Variants in FAM135A observed in about 807,000 individuals in gnomAD.
FAM135A encodes the protein protein FAM135A.
Under a neutral mutation model 146.8 loss-of-function variants are expected in FAM135A, and 79 were observed. The observed-to-expected ratio is 0.54, with a 90% CI of 0.45 to 0.65. The LOEUF is 0.65. Ranked by LOEUF, FAM135A falls within the 30% of genes least tolerant of loss-of-function variation. The probability of loss-of-function intolerance (pLI) is 0.00; values close to 1 mark genes in which losing one functional copy is unlikely to be tolerated. For missense variants in FAM135A, 1,623 were observed against 1,758.2 expected (o/e 0.92, Z 1.38); for synonymous variants, 562 against 603.6 (o/e 0.93, Z 1.01).
At chr6:70,422,079 G>A (rs1376474337) in intron 2 of FAM135A, among the ~76,000 whole-genome samples, 1 of 152,138 alleles carries the variant, frequency 6.6e-6, no homozygotes, top group African/African-American at 2.4e-5. Context: ...GAATGAATTT[G>A]CTCTGTTGTT....
intron 2 of FAM135A, among the ~76,000 whole-genome samples, chr6:70,424,357 G>A (rs555851612): frequency 2.0e-5 from 3 of 152,088 alleles, no homozygotes; most frequent in Non-Finnish European, 2.9e-5. Context: ...ATTCTTTTAC[G>A]TTTCTCTCCA....
chr6:70,432,819 A>G lies in FAM135A; in HGVS notation c.77+4400A>G, dbSNP rs549929689. Among the ~76,000 whole-genome samples the G allele has an allele frequency of 1.1e-3, 169 of 151,618 alleles. 2 individuals carry two copies. The highest frequency in any genetic ancestry group is 2.1e-3 in the Non-Finnish European group (141 of 67,892). On this transcript the variant is annotated intron_variant, in intron 4 of 21. Transcript: ENST00000418814. ...TTTTTTCCTTATAATTCTCTTTAGGATCCTAAAATACACCTACAATTCAGA... is the reference window on the plus strand; with the variant it reads ...TTTTTTCCTTATAATTCTCTTTAGGGTCCTAAAATACACCTACAATTCAGA...
At chr6:70,453,891 T>C (rs1189646899) in intron 5 of FAM135A, among the ~76,000 whole-genome samples, 3 of 152,120 alleles carry the variant, frequency 2.0e-5, no homozygotes, top group Non-Finnish European at 4.4e-5. Context: ...GCATGTGTCT[T>C]TAGTAGCATG....
intron 2 of FAM135A, among the ~76,000 whole-genome samples, chr6:70,422,061 C>T (rs1009256572): frequency 2.6e-5 from 4 of 152,134 alleles, no homozygotes; most frequent in African/African-American, 4.8e-5. Context: ...TTGCACTGTT[C>T]GCCCACAGAA....
At position 70,502,774 on chromosome 6, in the gene FAM135A, G is replaced by T; in HGVS notation, c.1012G>T (p.Glu338Ter). Residue 338 changes from glutamate to a stop codon, truncating the protein, a stop_gained, in exon 12 of 22, where the codon GAG (glutamate) becomes TAG (stop). Transcript: ENST00000418814. LOFTEE classifies it high-confidence loss of function. ...AGAACTAAGAATATTATTAGCACAA[G>T]AGCACCATACTTTGAGGGTAAGTTA... ...HEELRILLAQ[E>*]HHTLRVRRFS... The T allele has an allele frequency of 6.2e-7, 1 of 1,611,420 alleles. No homozygotes were observed. The highest frequency in any genetic ancestry group is 8.5e-7 in the Non-Finnish European group (1 of 1,178,650).
At chr6:70,533,690 A>C in intron 17 of FAM135A, 67 bp from the exon 18 acceptor site, 1 of 925,652 alleles carries the variant, frequency 1.1e-6, no homozygotes, top group Non-Finnish European at 1.6e-6. Context: ...AAATGTTTAT[A>C]TTGTTAGTTT....
chr6:70,486,120 G>A (rs1208891322), intron 10 of FAM135A: 5 of 1,542,586 alleles, frequency 3.2e-6, no homozygotes, highest in Non-Finnish European at 4.4e-6. Flanking sequence ...AAGTTTTGTT[G>A]TGAAAGGAGT....
At chr6:70,484,032 G>C (rs886938497) in intron 10 of FAM135A, among the ~76,000 whole-genome samples, 1 of 152,154 alleles carries the variant, frequency 6.6e-6, no homozygotes, top group Non-Finnish European at 1.5e-5. Context: ...AAAGAAAAAG[G>C]GTGTAAAGGA....
chr6:70,512,000 G>A (rs1236979744), intron 12 of FAM135A, among the ~76,000 whole-genome samples: 2 of 151,910 alleles, frequency 1.3e-5, no homozygotes, highest in Non-Finnish European at 2.9e-5. Flanking sequence ...ACGTCATTAT[G>A]TGGAGCATGA....
chr6:70,519,312 T>C (rs890954556), intron 12 of FAM135A, among the ~76,000 whole-genome samples: 1 of 152,176 alleles, frequency 6.6e-6, no homozygotes, highest in Non-Finnish European at 1.5e-5. Flanking sequence ...TTCTTATGGA[T>C]GAACAGAGAA....
At chr6:70,471,569 G>C (rs376202037) in intron 5 of FAM135A, among the ~76,000 whole-genome samples, 1 of 147,018 alleles carries the variant, frequency 6.8e-6, no homozygotes, top group African/African-American at 2.7e-5. Flanking sequence ...TGGAGGATAG[G>C]GGGTGGGAGG....
At chr6:70,443,515 C>T (rs948741137) in intron 4 of FAM135A, among the ~76,000 whole-genome samples, 4 of 152,202 alleles carry the variant, frequency 2.6e-5, no homozygotes, top group Non-Finnish European at 4.4e-5. Flanking sequence ...CTACATTGTT[C>T]GCACAGTGGC....
At chr6:70,417,566 T>G (rs1767839592) in intron 2 of FAM135A, 2 of 973,588 alleles carry the variant, frequency 2.1e-6, no homozygotes, top group Non-Finnish European at 2.4e-6. Flanking sequence ...GCTACTGGTC[T>G]TAATTTAACC....
intron 5 of FAM135A, among the ~76,000 whole-genome samples, chr6:70,462,246 A>T (rs780068666): frequency 6.6e-6 from 1 of 152,184 alleles, no homozygotes; most frequent in Non-Finnish European, 1.5e-5. Flanking sequence ...GGTGTATATG[A>T]GAGAACACAT....
chr6:70,499,905 AC>A (rs1444918352), intron 11 of FAM135A, among the ~76,000 whole-genome samples: 1 of 152,078 alleles, frequency 6.6e-6, no homozygotes, highest in African/African-American at 2.4e-5. Context: ...GGCTTCCCTT[AC>A]CATTTTTTCC....
intron 21 of FAM135A, among the ~76,000 whole-genome samples, chr6:70,558,098 A>G (rs1801250547): frequency 6.6e-6 from 1 of 152,250 alleles, no homozygotes; most frequent in Non-Finnish European, 1.5e-5. Context: ...AGACATGTTT[A>G]GACTTCTTCC....
chr6:70,415,435 A>AGT (rs1767349470), intron 2 of FAM135A, 59 bp downstream of exon 2: 1 of 152,160 alleles, frequency 6.6e-6, no homozygotes, highest in Non-Finnish European at 1.5e-5. Context: ...CAAAAAAAAA[A>AGT]GTGTAGTTCC....
At chr6:70,492,414 G>A (rs1370241830) in intron 11 of FAM135A, among the ~76,000 whole-genome samples, 1 of 151,570 alleles carries the variant, frequency 6.6e-6, no homozygotes, top group Non-Finnish European at 1.5e-5. Flanking sequence ...ATCTGATCTT[G>A]GGATATGAAA....
chr6:70,435,244 A>G (rs1176489808), intron 4 of FAM135A, among the ~76,000 whole-genome samples: 1 of 151,496 alleles, frequency 6.6e-6, no homozygotes, highest in Non-Finnish European at 1.5e-5. Context: ...AGCTGGGATT[A>G]CAGGTGCCTG....
Sources: gnomAD v4.1 joint callset for allele counts (sites outside exome capture counted in the v4.1 genomes callset) on GRCh38, gnomAD v4.1.1 for gene constraint, MANE v1.5 for transcripts, NCBI Gene and HGNC (gene_info 2026-07-23, HGNC 2026-07-21) for gene names.